Variants in PAOX observed in about 807,000 individuals in gnomAD.
The protein encoded by PAOX is peroxisomal N(1)-acetyl-spermine/spermidine oxidase.
PAOX carries 38 observed loss-of-function variants against 39.0 expected under a neutral mutation model. The observed-to-expected ratio is 0.97, with a 90% CI of 0.75 to 1.28. PAOX has a LOEUF of 1.28. PAOX is among the 50% of genes most tolerant of loss of function. The pLI, the probability that PAOX is intolerant of heterozygous loss-of-function variation, is 0.00. For synonymous variants in PAOX, 311 were observed against 314.4 expected (o/e 0.99, Z 0.11); for missense variants, 667 against 685.7 (o/e 0.97, Z 0.30).
rs1263678433 is a variant in PAOX, at chr10:133,379,272, G to A, written c.-45G>A. 5 of 1,203,674 alleles carry A rather than the reference G, an allele frequency of 4.2e-6. No individual in the cohort carries two copies. In the East Asian group the frequency reaches 1.7e-4, roughly 41 times the overall value. The allele number at this position is 1,203,674 out of a possible 1,614,324, so 74.6% of individuals were successfully genotyped here. On this transcript the variant is annotated 5_prime_UTR_variant, in exon 1 of 7. Transcript: ENST00000278060. ...CCTCCGGCCTCCTCCGAGAGCTCCA[G>A]ACCTCCCGGCTACTCAGAAGCCCTC...
chr10:133,381,114 C>T (rs571257669), intron 2 of PAOX, among the ~76,000 whole-genome samples: 17 of 152,376 alleles, frequency 1.1e-4, no homozygotes, highest in African/African-American at 3.1e-4. Flanking sequence ...ATGAGACCCT[C>T]CTCGGGCTGT....
At chr10:133,379,520 C>T in intron 1 of PAOX, 23 bp downstream of exon 1, 1 of 1,225,498 alleles carries the variant, frequency 8.2e-7, no homozygotes. Context: ...CCCGGAGCCC[C>T]TCCCGGAACC....
Position 133,380,463 on chromosome 10 carries a change from G to A in PAOX, c.646G>A (p.Gly216Arg). Reference sequence around the variant, plus strand: ...CTTTGGGGAGTATACCGTGCTGCCGGGGCTGGACTGCACCTTTTCTAAGTG... The same window carrying A: ...CTTTGGGGAGTATACCGTGCTGCCGAGGCTGGACTGCACCTTTTCTAAGTG... ...APFGEYTVLP[G>R]LDCTFSKGYQ... The change falls in exon 2 of 7, where the codon GGG becomes AGG. Residue 216 changes from glycine to arginine, a missense_variant. Physicochemically the swap from Gly to Arg is moderately radical, Grantham distance 125. Transcript: ENST00000278060. 1.2e-6 allele frequency: 2 copies of A among 1,609,882 alleles called. No homozygotes were observed. Among genetic ancestry groups the A allele is most frequent in the Non-Finnish European group, 1.7e-6 (2 of 1,179,756 alleles).
rs762890689 is a variant in PAOX at position 133,391,388 on chromosome 10, G to A, written c.1469G>A (p.Trp490Ter). The A allele has an allele frequency of 6.2e-7, 1 of 1,613,362 alleles. No homozygotes were observed. Among genetic ancestry groups the A allele is most frequent in the South Asian group, 1.1e-5 (1 of 91,082 alleles). The stretch of plus-strand genomic sequence containing the variant: ...ACGCACGGGGCTCTGCTGTCGGGAT[G>A]GAGGGAGGCCGACCGCCTCCTCAGT... Reference protein sequence around the residue: ...STTHGALLSGWREADRLLSLW... With the variant: ...STTHGALLSG The change falls in exon 7 of 7, where the codon TGG becomes TAG. Residue 490 changes from tryptophan to a stop codon, truncating the protein, a stop_gained. Coordinates refer to ENST00000278060, the MANE Select transcript of PAOX (RefSeq NM_152911.4). LOFTEE classifies it low-confidence loss of function (END_TRUNC).
At position 133,380,294 on chromosome 10, in the gene PAOX, CAAG is replaced by C. The variant is rs765855675; in HGVS notation, c.481_483del (p.Lys161del). ...CGGTGCCCAGCGTCGGGGAGTACCTCAAGAAGGAGATTGGCCAGCACGTGGCCG... is the reference window on the plus strand; with the variant it reads ...CGGTGCCCAGCGTCGGGGAGTACCTCAAGGAGATTGGCCAGCACGTGGCCG... On this transcript the variant is annotated inframe_deletion, in exon 2 of 7. Coordinates refer to ENST00000278060, the MANE Select transcript of PAOX (RefSeq NM_152911.4). 3 of 1,612,904 alleles carry C rather than the reference CAAG, an allele frequency of 1.9e-6. No individual in the cohort carries two copies. The highest frequency in any genetic ancestry group is 4.5e-5 in the East Asian group (2 of 44,866).
intron 2 of PAOX, among the ~76,000 whole-genome samples, chr10:133,381,128 G>A (rs561255175): frequency 6.6e-5 from 10 of 152,338 alleles, no homozygotes; most frequent in Admixed American, 1.3e-4. Flanking sequence ...GGGCTGTCCC[G>A]TCACCCCTGG....
chr10:133,379,522 C>T, intron 1 of PAOX, 25 bp downstream of exon 1: 10 of 1,225,546 alleles, frequency 8.2e-6, no homozygotes, highest in Non-Finnish European at 1.0e-5. Context: ...CGGAGCCCCT[C>T]CCGGAACCCA....
chr10:133,390,443 CACAA>C (rs1849646226), intron 6 of PAOX, among the ~76,000 whole-genome samples: 1 of 136,918 alleles, frequency 7.3e-6, no homozygotes, highest in African/African-American at 2.9e-5. Flanking sequence ...CACACACACA[CACAA>C]GTAGCCAGGC....
intron 3 of PAOX, 120 bp downstream of exon 3, chr10:133,381,779 G>A (rs1216134573): frequency 2.1e-6 from 2 of 950,942 alleles, no homozygotes; most frequent in East Asian, 2.6e-5. Flanking sequence ...GTTCTAGTAA[G>A]TTCCAGATAG....
rs1031989230 is a variant in PAOX, at chr10:133,389,782, C to A, written c.1392+35C>A. The A allele has an allele frequency of 4.9e-6, 7 of 1,431,102 alleles. No homozygotes were observed. In the African/African-American group the frequency reaches 1.0e-4, roughly 21 times the overall value. 88.7% of individuals were successfully genotyped at this position (1,431,102 alleles called of 1,614,324 possible). A position where few individuals can be genotyped will look rare whatever the true frequency, so the allele number is the denominator to read the frequency against. The stretch of plus-strand genomic sequence containing the variant: ...GTGCCCCAGTCGGGGGGCGTGGGTC[C>A]CGCTGCAGAGGCCCCCGCCGAGTCT... On this transcript the variant is annotated intron_variant, in intron 6 of 6. Coordinates refer to ENST00000278060, the MANE Select transcript of PAOX (RefSeq NM_152911.4).
chr10:133,381,364 C>G (rs1437004775), intron 2 of PAOX, 96 bp from the exon 3 acceptor site: 1 of 1,193,984 alleles, frequency 8.4e-7, no homozygotes, highest in Non-Finnish European at 1.2e-6. Flanking sequence ...CCCGCAGCTA[C>G]CTTTGATGCG....
At chr10:133,383,167 C>A (rs550974519) in intron 3 of PAOX, among the ~76,000 whole-genome samples, 214 of 151,866 alleles carry the variant, frequency 1.4e-3, no homozygotes, top group African/African-American at 4.9e-3. Flanking sequence ...CCTGGGAGAC[C>A]AGAGCGAAAC....
chr10:133,389,259 A>C (rs1399041032), intron 5 of PAOX, among the ~76,000 whole-genome samples, 191 bp downstream of exon 5: 1 of 152,198 alleles, frequency 6.6e-6, no homozygotes, highest in Non-Finnish European at 1.5e-5. Context: ...TGACTTTGCA[A>C]ACACTTCCTA....
Position 133,389,052 on chromosome 10 carries a change from G to A in PAOX, c.1218G>A (p.Val406=). Residue 406 remains valine, a synonymous_variant, in exon 5 of 7, where the codon GTG becomes GTA. Transcript: ENST00000278060. ...AAGTACTTCTGTGTCTCACCCAAGT[G>A]CTCCGGAGAGTGACAGGTAGGTACT... The part of the protein sequence containing the change: ...DEEVLLCLTQ[V]LRRVTGNPRL... The A allele has an allele frequency of 6.2e-7, 1 of 1,613,546 alleles. No individual in the cohort carries two copies. The highest frequency in any genetic ancestry group is 1.3e-5 in the African/African-American group (1 of 75,014).
At chr10:133,390,856 G>A in intron 6 of PAOX, 1 of 583,228 alleles carries the variant, frequency 1.7e-6, no homozygotes, top group Non-Finnish European at 3.1e-6. Context: ...TGATCCAGGA[G>A]TTGAGGCCAG....
chr10:133,379,917 C>T lies in PAOX; in HGVS notation c.182-82C>T. 3 of 1,480,688 alleles carry T rather than the reference C, an allele frequency of 2.0e-6. No homozygotes were observed. In the East Asian group the frequency reaches 6.9e-5, roughly 34 times the overall value. 91.7% of individuals were successfully genotyped at this position (1,480,688 alleles called of 1,614,324 possible). On this transcript the variant is annotated intron_variant, in intron 1 of 6. Transcript: ENST00000278060. ...GGTACATCCTCCTTGGGAAGGCCAG[C>T]GTGGGCGTGGCCCAGGAGAAGGGCT...
intron 2 of PAOX, among the ~76,000 whole-genome samples, chr10:133,380,935 G>A (rs1418520398): frequency 2.0e-5 from 3 of 152,206 alleles, no homozygotes; most frequent in Non-Finnish European, 4.4e-5. Context: ...CCAAGACTGC[G>A]CCATTGCACT....
intron 4 of PAOX, among the ~76,000 whole-genome samples, chr10:133,385,953 T>C (rs919813128): frequency 1.3e-5 from 2 of 152,350 alleles, no homozygotes; most frequent in African/African-American, 4.8e-5. Flanking sequence ...ATAAATAACA[T>C]TTTTAAATGA....
chr10:133,379,928 C>T, intron 1 of PAOX, 71 bp from the exon 2 acceptor site: 2 of 1,494,432 alleles, frequency 1.3e-6, no homozygotes, highest in Non-Finnish European at 1.8e-6. Context: ...GTGGGCGTGG[C>T]CCAGGAGAAG....
Sources: allele counts gnomAD v4.1 joint callset (sites outside exome capture counted in the v4.1 genomes callset), GRCh38; gene constraint gnomAD v4.1.1; transcripts MANE v1.5; gene names NCBI Gene and HGNC (gene_info 2026-07-23, HGNC 2026-07-21).